CPNE4: variants seen among roughly 807,000 people sequenced by gnomAD.
The protein encoded by CPNE4 is copine 4.
Under a neutral mutation model 67.9 loss-of-function variants are expected in CPNE4, and 25 were observed. The ratio of observed to expected loss-of-function variants is 0.37; its 90% CI spans 0.27 to 0.51. CPNE4 has a LOEUF of 0.51. CPNE4 is among the 20% of genes least tolerant of loss of function. The pLI is 0.93. For missense variants in CPNE4, 464 were observed against 690.8 expected (o/e 0.67, Z 3.68); for synonymous variants, 242 against 244.9 (o/e 0.99, Z 0.11).
chr3:131,757,393 G>T (rs1303367662), intron 2 of CPNE4, among the ~76,000 whole-genome samples: 1 of 152,204 alleles, frequency 6.6e-6, no homozygotes, highest in Non-Finnish European at 1.5e-5. Context: ...GAGACTGGTG[G>T]CATTTTGCCC....
At chr3:131,661,832 G>C (rs533973989) in intron 7 of CPNE4, among the ~76,000 whole-genome samples, 4 of 152,252 alleles carry the variant, frequency 2.6e-5, no homozygotes, top group African/African-American at 9.6e-5. Flanking sequence ...AGAAATGCCA[G>C]GTTCTTTGTT....
chr3:131,729,938 C>T (rs2082089156), intron 2 of CPNE4, among the ~76,000 whole-genome samples: 1 of 152,162 alleles, frequency 6.6e-6, no homozygotes, highest in African/African-American at 2.4e-5. Context: ...TAGGTGGTGA[C>T]CGACAGTGAT....
rs190489601 is a variant in CPNE4 at position 132,009,196 on chromosome 3, T to G, written c.-2+25371A>C. ...TCTGTCTGTGGCATATGTCAGGGTC[T>G]GCAGGGTGTTTTATTAAAGGAAAAA... is the stretch of plus-strand genomic sequence containing the variant. On this transcript the variant is annotated intron_variant, in intron 1 of 15. Transcript: ENST00000429747. Among the ~76,000 whole-genome samples, 8 of 152,050 alleles carry G rather than the reference T, an allele frequency of 5.3e-5. No individual in the cohort carries two copies. In the East Asian group the frequency reaches 1.2e-3, roughly 22 times the overall value.
chr3:131,946,387 C>T (rs1265451756), intron 1 of CPNE4, among the ~76,000 whole-genome samples: 1 of 152,080 alleles, frequency 6.6e-6, no homozygotes, highest in African/African-American at 2.4e-5. Context: ...TATAATATTC[C>T]ATTGTATGGA....
chr3:131,736,610 T>G (rs1206542327), intron 2 of CPNE4, among the ~76,000 whole-genome samples: 2 of 53,560 alleles, frequency 3.7e-5, no homozygotes, highest in African/African-American at 5.3e-5. Flanking sequence ...CAAGACTGTC[T>G]CAAAAAAAAA....
chr3:131,690,873 C>T (rs373724594), intron 5 of CPNE4, among the ~76,000 whole-genome samples: 10 of 152,046 alleles, frequency 6.6e-5, no homozygotes, highest in African/African-American at 2.2e-4. Flanking sequence ...AATAAATAAA[C>T]CCGTTAAAAA....
intron 1 of CPNE4, among the ~76,000 whole-genome samples, chr3:131,989,076 T>C (rs1219445890): frequency 1.3e-5 from 2 of 152,116 alleles, no homozygotes; most frequent in Non-Finnish European, 2.9e-5. Context: ...ATTGCTGATT[T>C]TACTTCTCAG....
At chr3:132,021,795 G>A (rs1349405865) in intron 1 of CPNE4, among the ~76,000 whole-genome samples, 1 of 152,128 alleles carries the variant, frequency 6.6e-6, no homozygotes, top group Non-Finnish European at 1.5e-5. Flanking sequence ...ATAAAGGAAA[G>A]AAATCACAGA....
At chr3:132,031,141 G>A (rs1469159541) in intron 1 of CPNE4, among the ~76,000 whole-genome samples, 1 of 152,078 alleles carries the variant, frequency 6.6e-6, no homozygotes, top group Non-Finnish European at 1.5e-5. Flanking sequence ...TCAGGAGAAA[G>A]GCAACTGTAT....
chr3:131,717,896 T>TTC lies in CPNE4; in HGVS notation c.360+5548_360+5549dup, dbSNP rs776967339. ...TTCTTTTCTTTCTTTCTTTCTTTCT[T>TTC]TCTTTCTTTCTTTCTTTCTTTCTTT... On this transcript the variant is annotated intron_variant, in intron 3 of 15. Transcript: ENST00000429747. Among the ~76,000 whole-genome samples the TTC allele has an allele frequency of 5.5e-4, 45 of 82,550 alleles. 2 individuals carry two copies. The highest frequency in any genetic ancestry group is 1.4e-3 in the African/African-American group (43 of 30,436). 54.2% of individuals were successfully genotyped at this position (82,550 alleles called of 152,430 possible). A position where few individuals can be genotyped will look rare whatever the true frequency, so the allele number is the denominator to read the frequency against.
chr3:131,817,387 A>G (rs2084785711), intron 2 of CPNE4, among the ~76,000 whole-genome samples: 1 of 152,180 alleles, frequency 6.6e-6, no homozygotes, highest in Non-Finnish European at 1.5e-5. Context: ...CTAAAGCGGA[A>G]TATATCTGTT....
At chr3:131,938,404 T>C (rs1211382263) in intron 1 of CPNE4, among the ~76,000 whole-genome samples, 2 of 149,518 alleles carry the variant, frequency 1.3e-5, no homozygotes, top group African/African-American at 2.4e-5. Context: ...ATAAACTTGA[T>C]AAAATATCCA....
At chr3:132,016,378 C>T (rs1187563466) in intron 1 of CPNE4, among the ~76,000 whole-genome samples, 6 of 152,216 alleles carry the variant, frequency 3.9e-5, no homozygotes, top group African/African-American at 1.4e-4. Context: ...CTCTCTTCAA[C>T]TTAGCTTTCC....
At chr3:131,862,111 A>C (rs1490321084) in intron 2 of CPNE4, among the ~76,000 whole-genome samples, 2 of 152,162 alleles carry the variant, frequency 1.3e-5, no homozygotes, top group Admixed American at 1.3e-4. Context: ...CATCAACGAG[A>C]TGTAGAGCAA....
intron 7 of CPNE4, among the ~76,000 whole-genome samples, chr3:131,615,314 C>A (rs1940072530): frequency 6.6e-6 from 1 of 152,104 alleles, no homozygotes; most frequent in Non-Finnish European, 1.5e-5. Flanking sequence ...ATAGAAAAGC[C>A]CTGGTCTCAT....
intron 7 of CPNE4, among the ~76,000 whole-genome samples, chr3:131,604,148 G>T (rs1939371195): frequency 6.6e-6 from 1 of 151,930 alleles, no homozygotes; most frequent in Non-Finnish European, 1.5e-5. Context: ...GCTCACTAAA[G>T]ACAATTCTAA....
At chr3:131,790,978 A>T (rs1310804966) in intron 2 of CPNE4, among the ~76,000 whole-genome samples, 1 of 152,180 alleles carries the variant, frequency 6.6e-6, no homozygotes, top group Non-Finnish European at 1.5e-5. Flanking sequence ...AAAGTGTTAA[A>T]GATTTTTGTT....
At chr3:131,759,326 C>T (rs964396955) in intron 2 of CPNE4, among the ~76,000 whole-genome samples, 15 of 152,160 alleles carry the variant, frequency 9.9e-5, no homozygotes, top group African/African-American at 3.6e-4. Flanking sequence ...GAACCCTCAT[C>T]AGAATCCTCA....
At chr3:132,021,393 A>G (rs564897845) in intron 1 of CPNE4, among the ~76,000 whole-genome samples, 1 of 146,408 alleles carries the variant, frequency 6.8e-6, no homozygotes, top group African/African-American at 2.4e-5. Flanking sequence ...AGTCCTTTGG[A>G]TTTTTTGAAC....
Sources: gnomAD v4.1 joint callset for allele counts (sites outside exome capture counted in the v4.1 genomes callset) on GRCh38, gnomAD v4.1.1 for gene constraint, MANE v1.5 for transcripts, NCBI Gene and HGNC (gene_info 2026-07-23, HGNC 2026-07-21) for gene names.